The following NRG3 variants were observed in gnomAD, a reference collection of about 807,000 sequenced individuals.
NRG3 encodes the protein pro-neuregulin-3, membrane-bound isoform.
A neutral mutation model predicts 66.9 loss-of-function variants in NRG3; 31 were observed. The ratio of observed to expected loss-of-function variants is 0.46; its 90% CI spans 0.35 to 0.63. NRG3 has a LOEUF of 0.63. Among genes scored for constraint, NRG3 ranks in the 20% least tolerant of loss-of-function variants. The pLI is 0.00. For synonymous variants in NRG3, 393 were observed against 359.4 expected (o/e 1.09, Z -1.06); for missense variants, 910 against 878.9 (o/e 1.04, Z -0.45).
At chr10:82,013,101 G>T (rs2061646301) in intron 1 of NRG3, among the ~76,000 whole-genome samples, 1 of 152,132 alleles carries the variant, frequency 6.6e-6, no homozygotes, top group Admixed American at 6.5e-5. Context: ...CCAAGACTGG[G>T]TAATTTATAA....
intron 2 of NRG3, among the ~76,000 whole-genome samples, chr10:82,669,805 G>C (rs1280186541): frequency 3.9e-5 from 6 of 151,910 alleles, no homozygotes; most frequent in Admixed American, 3.9e-4. Flanking sequence ...GTGGGCGCCT[G>C]TAGTCCCAGC....
At chr10:82,106,698 T>G (rs2067082746) in intron 1 of NRG3, among the ~76,000 whole-genome samples, 1 of 151,534 alleles carries the variant, frequency 6.6e-6, no homozygotes, top group African/African-American at 2.4e-5. Context: ...TAGAGACAGG[T>G]TTTCTCCATG....
intron 1 of NRG3, among the ~76,000 whole-genome samples, chr10:82,077,816 T>C (rs1191131128): frequency 5.3e-5 from 8 of 152,250 alleles, no homozygotes; most frequent in Admixed American, 3.9e-4. Flanking sequence ...AATGAAATTA[T>C]ATCAGAAATA....
chr10:82,958,756 G>A (rs1291081888), intron 5 of NRG3, among the ~76,000 whole-genome samples, 193 bp from the exon 6 acceptor site: 1 of 152,182 alleles, frequency 6.6e-6, no homozygotes, highest in Non-Finnish European at 1.5e-5. Flanking sequence ...AGAGAATATG[G>A]ATGATATCAG....
intron 1 of NRG3, among the ~76,000 whole-genome samples, chr10:81,900,927 C>G (rs991234176): frequency 1.3e-5 from 2 of 151,992 alleles, no homozygotes; most frequent in Non-Finnish European, 2.9e-5. Context: ...CTCAGGATCA[C>G]AAAAAGTTTT....
intron 1 of NRG3, among the ~76,000 whole-genome samples, chr10:82,089,710 A>G (rs1302533739): frequency 1.3e-5 from 2 of 152,336 alleles, no homozygotes; most frequent in African/African-American, 2.4e-5. Flanking sequence ...ATCAAGCTGC[A>G]AACTGATTCC....
intron 2 of NRG3, among the ~76,000 whole-genome samples, chr10:82,626,145 A>G (rs942747129): frequency 6.6e-6 from 1 of 152,148 alleles, no homozygotes. Flanking sequence ...CTCACAATCC[A>G]TGGCTGACTC....
chr10:82,242,223 C>T (rs535600117), intron 1 of NRG3, among the ~76,000 whole-genome samples: 2 of 152,092 alleles, frequency 1.3e-5, no homozygotes, highest in African/African-American at 4.8e-5. Context: ...ATCGTGGATG[C>T]CCCCCAGTTT....
chr10:81,976,716 G>A (rs2060137538), intron 1 of NRG3, among the ~76,000 whole-genome samples: 1 of 152,142 alleles, frequency 6.6e-6, no homozygotes, highest in Non-Finnish European at 1.5e-5. Context: ...TCCAGAGCAA[G>A]ATATCTTTTT....
intron 1 of NRG3, among the ~76,000 whole-genome samples, chr10:82,051,208 A>C (rs547286923): frequency 6.6e-6 from 1 of 152,256 alleles, no homozygotes; most frequent in African/African-American, 2.4e-5. Context: ...AAGGACATTA[A>C]TTTTTAAGAG....
chr10:82,361,256 T>C (rs970773898), intron 2 of NRG3, among the ~76,000 whole-genome samples: 2 of 152,218 alleles, frequency 1.3e-5, no homozygotes, highest in Admixed American at 1.3e-4. Flanking sequence ...TTCATATTTC[T>C]TGCATATTTC....
chr10:82,926,594 G>A (rs910911324), intron 4 of NRG3, among the ~76,000 whole-genome samples: 4 of 152,146 alleles, frequency 2.6e-5, no homozygotes, highest in Admixed American at 2.6e-4. Flanking sequence ...AATACAATTT[G>A]TAATGCCGGG....
At chr10:82,317,646 C>G (rs542885470) in intron 1 of NRG3, among the ~76,000 whole-genome samples, 2 of 152,310 alleles carry the variant, frequency 1.3e-5, no homozygotes, top group Non-Finnish European at 2.9e-5. Context: ...TTCAAGAGTG[C>G]TGGATGAAAC....
chr10:82,311,548 C>A (rs2081028245), intron 1 of NRG3, among the ~76,000 whole-genome samples: 2 of 151,944 alleles, frequency 1.3e-5, no homozygotes, highest in Admixed American at 6.6e-5. Context: ...AACCGAATAG[C>A]AACAACAACA....
intron 1 of NRG3, chr10:81,878,236 A>G (rs756045436): frequency 1.1e-4 from 69 of 655,092 alleles, no homozygotes; most frequent in Non-Finnish European, 1.7e-4. Context: ...GTCAATGTTC[A>G]CATAGACATA....
At chr10:81,978,577 G>A (rs1056163210) in intron 1 of NRG3, among the ~76,000 whole-genome samples, 2 of 152,006 alleles carry the variant, frequency 1.3e-5, no homozygotes, top group Admixed American at 1.3e-4. Context: ...TGAATCCATA[G>A]TATATTTCTC....
chr10:82,585,896 C>A (rs534096320), intron 2 of NRG3, among the ~76,000 whole-genome samples: 1 of 152,086 alleles, frequency 6.6e-6, no homozygotes, highest in South Asian at 2.1e-4. Context: ...GATATTAACA[C>A]AATAATGTGT....
chr10:82,488,763 C>T lies in NRG3; in HGVS notation c.953+129895C>T, dbSNP rs184274399. ...CAGTTGGGTCTTGAATGGAGAGTTACATAAAACCTCAGGAATTAATGATTT... is the reference window on the plus strand; with the variant it reads ...CAGTTGGGTCTTGAATGGAGAGTTATATAAAACCTCAGGAATTAATGATTT... On this transcript the variant is annotated intron_variant, in intron 2 of 8. Coordinates refer to ENST00000372141, the MANE Select transcript of NRG3 (RefSeq NM_001010848.4). Among the ~76,000 whole-genome samples, 573 of 152,246 alleles carry T rather than the reference C, an allele frequency of 3.8e-3. 5 individuals are homozygous for T. Among genetic ancestry groups the T allele is most frequent in the African/African-American group, 0.013 (560 of 41,536 alleles).
chr10:82,201,196 CAAAAAAAAAAAAA>C (rs35232518), intron 1 of NRG3, among the ~76,000 whole-genome samples: 1 of 78,052 alleles, frequency 1.3e-5, no homozygotes, highest in Non-Finnish European at 2.6e-5. Context: ...GACTCTGTCT[CAAAAAAAAAAAAA>C]AAAAAAAAGA....
Sources: gnomAD v4.1 joint callset for allele counts (sites outside exome capture counted in the v4.1 genomes callset) on GRCh38, gnomAD v4.1.1 for gene constraint, MANE v1.5 for transcripts, NCBI Gene and HGNC (gene_info 2026-07-23, HGNC 2026-07-21) for gene names.